The following STAG2 variants were observed in gnomAD, a reference collection of about 807,000 sequenced individuals.
STAG2 encodes cohesin subunit SA-2.
In STAG2, 14 loss-of-function variants were observed where a neutral mutation model predicts 108.1. That is an observed-to-expected ratio of 0.13 (90% CI 0.09 to 0.20). STAG2 has a LOEUF of 0.20. Ranked by LOEUF, STAG2 falls within the 10% of genes least tolerant of loss-of-function variation. The pLI is 1.00. For synonymous variants in STAG2, 307 were observed against 302.7 expected (o/e 1.01, Z -0.15); for missense variants, 440 against 940.9 (o/e 0.47, Z 6.96).
chrX:124,023,481 T>C (rs924437053), intron 3 of STAG2, among the ~76,000 whole-genome samples: 2 of 111,816 alleles, frequency 1.8e-5, no homozygotes, highest in Non-Finnish European at 3.8e-5. Flanking sequence ...TTATCTTCAG[T>C]GGAGTTTATG....
intron 29 of STAG2, among the ~76,000 whole-genome samples, chrX:124,085,377 C>A (rs942745266): frequency 9.0e-6 from 1 of 111,255 alleles, no homozygotes; most frequent in Non-Finnish European, 1.9e-5. Flanking sequence ...TATATTTTGG[C>A]TCAAGTTTTG....
At chrX:124,027,380 G>T (rs978511018) in intron 4 of STAG2, among the ~76,000 whole-genome samples, 7 of 112,356 alleles carry the variant, frequency 6.2e-5, no homozygotes, top group African/African-American at 1.3e-4. Context: ...AGAGGGATAT[G>T]AATAGAAATA....
At chrX:124,048,547 A>C (rs1291909318) in intron 9 of STAG2, among the ~76,000 whole-genome samples, 1 of 111,456 alleles carries the variant, frequency 9.0e-6, no homozygotes, top group Non-Finnish European at 1.9e-5. Context: ...CTCCTGCCTC[A>C]GCCTCCTCAG....
At chrX:123,995,004 C>T (rs971973825) in intron 1 of STAG2, among the ~76,000 whole-genome samples, 6 of 111,542 alleles carry the variant, frequency 5.4e-5, no homozygotes, top group African/African-American at 1.3e-4. Context: ...GAAACAACAA[C>T]GTAAACAAAA....
intron 1 of STAG2, among the ~76,000 whole-genome samples, chrX:123,973,712 T>C (rs7057413): frequency 0.24 from 24,974 of 104,232 alleles, 2,249 homozygotes; most frequent in South Asian, 0.4. Flanking sequence ...GGTGTGGTGG[T>C]GCATGCCTGT....
At chrX:123,980,041 A>G (rs1270863363) in intron 1 of STAG2, among the ~76,000 whole-genome samples, 1 of 112,190 alleles carries the variant, frequency 8.9e-6, no homozygotes, top group Admixed American at 9.5e-5. Context: ...CTTGGAATGC[A>G]TACCCTTTTT....
At chrX:124,094,259 T>A (rs1322393316) in intron 33 of STAG2, 115 bp downstream of exon 33, 1 of 732,449 alleles carries the variant, frequency 1.4e-6, no homozygotes, top group South Asian at 2.8e-5. Flanking sequence ...TGCAAAAATA[T>A]TAAAATAGTT....
At chrX:124,089,514 T>A (rs1397914255) in intron 30 of STAG2, among the ~76,000 whole-genome samples, 1 of 111,370 alleles carries the variant, frequency 9.0e-6, no homozygotes, top group Non-Finnish European at 1.9e-5. Flanking sequence ...TGGGAACCAG[T>A]CTCCTATTGC....
intron 29 of STAG2, among the ~76,000 whole-genome samples, chrX:124,086,134 A>G (rs896113333): frequency 1.6e-5 from 1 of 63,354 alleles, no homozygotes; most frequent in Non-Finnish European, 3.1e-5. Flanking sequence ...ATAGAATTGT[A>G]AGAATAGTTA....
intron 27 of STAG2, 128 bp from the exon 28 acceptor site, chrX:124,081,252 G>A (rs1436237447): frequency 4.8e-6 from 2 of 418,750 alleles, no homozygotes; most frequent in Non-Finnish European, 7.8e-6. Context: ...TCATGTTTTA[G>A]TGTTTTGCAA....
At chrX:123,973,277 T>C (rs1243923387) in intron 1 of STAG2, among the ~76,000 whole-genome samples, 2 of 110,072 alleles carry the variant, frequency 1.8e-5, no homozygotes, top group African/African-American at 6.6e-5. Flanking sequence ...CGGTAGCTCA[T>C]CATGCCTGTA....
At chrX:123,961,299 AC>A (rs760265846), upstream of STAG2, 21,757 of 78,578 alleles carry the variant, frequency 0.28, 1,907 homozygotes, top group South Asian at 0.48. Flanking sequence ...CTCTACGGAG[AC>A]CCCCCCCCCC....
At chrX:124,052,782 A>G (rs780402919) in intron 13 of STAG2, among the ~76,000 whole-genome samples, 5 of 108,638 alleles carry the variant, frequency 4.6e-5, no homozygotes, top group Admixed American at 3.0e-4. Flanking sequence ...ACTGTTTCAC[A>G]TTCCCACCAG....
intron 20 of STAG2, among the ~76,000 whole-genome samples, chrX:124,064,503 G>A (rs1269891144): frequency 9.3e-6 from 1 of 107,160 alleles, no homozygotes; most frequent in Non-Finnish European, 1.9e-5. Context: ...GAGCGCAGTG[G>A]TACGATCTCG....
chrX:124,059,421 G>A (rs756463442), intron 15 of STAG2, among the ~76,000 whole-genome samples: 50 of 111,982 alleles, frequency 4.5e-4, no homozygotes, highest in Non-Finnish European at 7.7e-4. Flanking sequence ...TTTATAATCC[G>A]ATTGAGAATG....
chrX:124,024,781 C>T (rs2057040967), intron 3 of STAG2, among the ~76,000 whole-genome samples: 1 of 111,456 alleles, frequency 9.0e-6, no homozygotes, highest in African/African-American at 3.3e-5. Flanking sequence ...ATAAAGATAG[C>T]CTTTCACTTC....
chrX:124,064,096 C>T (rs1466401151), intron 20 of STAG2, 45 bp downstream of exon 20: 1 of 978,177 alleles, frequency 1.0e-6, no homozygotes. Flanking sequence ...TTGAGCCCCT[C>T]TACTGCAGTA....
chrX:124,064,698 C>CA (rs1453403668), intron 20 of STAG2, among the ~76,000 whole-genome samples: 2 of 111,065 alleles, frequency 1.8e-5, no homozygotes, highest in Non-Finnish European at 3.8e-5. Flanking sequence ...CTCACCTCGG[C>CA]CTTGCAAAGT....
chrX:124,017,347 C>CTA (rs1358654688), intron 1 of STAG2, among the ~76,000 whole-genome samples: 6 of 109,731 alleles, frequency 5.5e-5, no homozygotes, highest in Admixed American at 4.9e-4. Flanking sequence ...GTAGCTGGGA[C>CTA]TATAGGTGCA....
Sources: gnomAD v4.1 joint callset for allele counts (sites outside exome capture counted in the v4.1 genomes callset) on GRCh38, gnomAD v4.1.1 for gene constraint, MANE v1.5 for transcripts, NCBI Gene and HGNC (gene_info 2026-07-23, HGNC 2026-07-21) for gene names.